Variants in HELZ observed in about 807,000 individuals in gnomAD.
The protein encoded by HELZ is helicase with zinc finger.
HELZ carries 23 observed loss-of-function variants against 218.2 expected under a neutral mutation model. The observed-to-expected ratio is 0.11, with a 90% CI of 0.08 to 0.15. HELZ has a LOEUF of 0.15. Ranked by LOEUF, HELZ falls within the 10% of genes least tolerant of loss-of-function variation. HELZ has a pLI of 1.00. For missense variants in HELZ, 1,813 were observed against 2,353.7 expected (o/e 0.77, Z 4.75); for synonymous variants, 814 against 829.4 (o/e 0.98, Z 0.32).
intron 5 of HELZ, among the ~76,000 whole-genome samples, chr17:67,214,263 T>C (rs956177740): frequency 1.7e-5 from 2 of 119,926 alleles, no homozygotes; most frequent in South Asian, 2.8e-4. Context: ...ATATTTCTTT[T>C]TTTTTTTTTT....
chr17:67,086,601 AAT>A (rs1381357918), intron 32 of HELZ, among the ~76,000 whole-genome samples: 10 of 119,714 alleles, frequency 8.4e-5, no homozygotes, highest in South Asian at 2.5e-4. Context: ...TACATATATT[AAT>A]ATATATATAT....
In HELZ at chr17:67,109,168, C is replaced by G; in HGVS notation, c.4437G>C (p.Leu1479=). ...AGGGGTTCTCATCAATGAAGCTATT[C>G]AGATGTGAAGGAAGAATGGGGCCGG... ...AQPGPILPSH[L]NSFIDENPSG... is the part of the protein sequence containing the mutation. The change falls in exon 29 of 33, where the codon CTG becomes CTC. Residue 1479 remains leucine, a synonymous_variant. Transcript: ENST00000358691. 2 of 1,613,976 alleles carry G rather than the reference C, an allele frequency of 1.2e-6. No homozygotes were observed. The highest frequency in any genetic ancestry group is 1.7e-6 in the Non-Finnish European group (2 of 1,180,024).
At position 67,148,612 on chromosome 17, in the gene HELZ, T is replaced by G; in HGVS notation, c.2578A>C (p.Ile860Leu). 3.7e-6 allele frequency: 6 copies of G among 1,613,788 alleles called. No individual in the cohort carries two copies. Among genetic ancestry groups the G allele is most frequent in the Non-Finnish European group, 5.1e-6 (6 of 1,179,840 alleles). ...EHYPAEFPCR[I>L]LLCENYRSHE... ...GAGCGGTAGTTCTCACACAGGAGAA[T>G]CCTACATGGGAACTCAGCAGGGTAA... The change falls in exon 20 of 33, where the codon ATT becomes CTT. Residue 860 changes from isoleucine to leucine, a missense_variant. Coordinates refer to ENST00000358691, the MANE Select transcript of HELZ (RefSeq NM_014877.4).
Position 67,075,588 on chromosome 17 carries a change from A to C in HELZ, c.*2664T>G, listed in dbSNP as rs2035995770. ...CAGAAGACACGCCTCATTTTGATGG[A>C]AACTTGCAATGATTCTTACACAAGA... is the stretch of plus-strand genomic sequence containing the variant. On this transcript the variant is annotated 3_prime_UTR_variant, in exon 33 of 33. Transcript: ENST00000358691. 1 of 152,244 alleles carries C rather than the reference A, an allele frequency of 6.6e-6. No individual in the cohort carries two copies. Among genetic ancestry groups the C allele is most frequent in the African/African-American group, 2.4e-5 (1 of 41,460 alleles). The allele number at this position is 152,244 out of a possible 1,614,324, so 9.4% of individuals were successfully genotyped here. A position where few individuals can be genotyped will look rare whatever the true frequency, so the allele number is the denominator to read the frequency against.
chr17:67,183,938 A>T (rs747900590), intron 12 of HELZ, among the ~76,000 whole-genome samples: 9 of 152,076 alleles, frequency 5.9e-5, no homozygotes, highest in Non-Finnish European at 1.0e-4. Context: ...TGACTAGAGA[A>T]AAAAAATATT....
At chr17:67,245,616 G>A, upstream of HELZ, 1 of 794,340 alleles carries the variant, frequency 1.3e-6, no homozygotes, top group South Asian at 5.7e-5. Flanking sequence ...GCGCTTCCAG[G>A]AAGCCCGCGA....
chr17:67,104,749 T>G (rs2037045039), intron 31 of HELZ, among the ~76,000 whole-genome samples: 1 of 152,036 alleles, frequency 6.6e-6, no homozygotes, highest in African/African-American at 2.4e-5. Flanking sequence ...AATAGACATT[T>G]CTCCAAAAAA....
rs1227920795 is a variant in HELZ at position 67,123,946 on chromosome 17, G to A, written c.3439+17C>T. The A allele has an allele frequency of 7.5e-6, 12 of 1,590,350 alleles. No homozygotes were observed. Among genetic ancestry groups the A allele is most frequent in the Non-Finnish European group, 1.0e-5 (12 of 1,159,296 alleles). ...CATCATAAAAGCAAGTTTTCATAGG[G>A]TAATTTTTCCACTTACCAATTCCAT... On this transcript the variant is annotated intron_variant, in intron 25 of 32. Transcript: ENST00000358691.
chr17:67,109,020 A>C, intron 29 of HELZ, 96 bp downstream of exon 29: 5 of 1,047,836 alleles, frequency 4.8e-6, no homozygotes, highest in Non-Finnish European at 7.0e-6. Context: ...GCATTATTTG[A>C]AGAAACAATT....
intron 5 of HELZ, among the ~76,000 whole-genome samples, chr17:67,212,436 G>A (rs185127354): frequency 7.1e-4 from 107 of 150,596 alleles, no homozygotes; most frequent in African/African-American, 2.5e-3. Context: ...TTAGCATTAC[G>A]AAACTATAAT....
chr17:67,235,583 C>T (rs889713819), intron 3 of HELZ, among the ~76,000 whole-genome samples: 60 of 152,038 alleles, frequency 3.9e-4, no homozygotes, highest in African/African-American at 1.4e-3. Context: ...TGCTTCAACC[C>T]AGCACATGCC....
intron 13 of HELZ, among the ~76,000 whole-genome samples, chr17:67,168,074 C>A (rs2039202270): frequency 6.6e-6 from 1 of 152,034 alleles, no homozygotes; most frequent in African/African-American, 2.4e-5. Context: ...CCTCTGCCTC[C>A]CAGGTTCAAG....
At chr17:67,168,270 T>C (rs1480293319) in intron 13 of HELZ, among the ~76,000 whole-genome samples, 1 of 152,186 alleles carries the variant, frequency 6.6e-6, no homozygotes, top group Non-Finnish European at 1.5e-5. Flanking sequence ...TGAGCCACCA[T>C]GCCTGGTCAA....
rs2039828484 is a variant in HELZ at position 67,188,956 on chromosome 17, C to A, written c.865-340G>T. Among the ~76,000 whole-genome samples the A allele has an allele frequency of 6.6e-6, 1 of 152,094 alleles. No individual in the cohort carries two copies. Among genetic ancestry groups the A allele is most frequent in the African/African-American group, 2.4e-5 (1 of 41,414 alleles). On this transcript the variant is annotated intron_variant, in intron 11 of 32. Transcript: ENST00000358691. The surrounding 1 kb of genome is among the most constrained non-coding windows in gnomAD (Gnocchi z 4.1). ...CAAGTAGGAAGCCTTCGTAAGAGGG[C>A]AGTTACCTCTGAAAGCACTGGATTG...
chr17:67,236,160 CAACA>C (rs2041180076), intron 3 of HELZ, among the ~76,000 whole-genome samples: 1 of 152,138 alleles, frequency 6.6e-6, no homozygotes, highest in Non-Finnish European at 1.5e-5. Context: ...CAACTGATAT[CAACA>C]AACAGTTCAC....
Position 67,088,983 on chromosome 17 carries a change from CT to C in HELZ, c.5242-1903del, listed in dbSNP as rs910900059. On this transcript the variant is annotated intron_variant, in intron 31 of 32. Coordinates refer to ENST00000358691, the MANE Select transcript of HELZ (RefSeq NM_014877.4). ...GGATCACAATGGCTGCGCAGCGTGTCTTTTTTTTTAAATCAAGGTTTGTAAT... is the reference window on the plus strand; with the variant it reads ...GGATCACAATGGCTGCGCAGCGTGTCTTTTTTTTAAATCAAGGTTTGTAAT... 8.6e-5 allele frequency among the ~76,000 whole-genome samples: 13 copies of C among 151,606 alleles called. No homozygotes were observed. The East Asian group carries it at 1.9e-3, about 23-fold the overall frequency.
At chr17:67,174,024 T>C (rs1034864385) in intron 13 of HELZ, among the ~76,000 whole-genome samples, 1 of 152,226 alleles carries the variant, frequency 6.6e-6, no homozygotes, top group Non-Finnish European at 1.5e-5. Flanking sequence ...AGTAGAATCA[T>C]TATTGAACAC....
chr17:67,171,240 C>G (rs1006561826), intron 13 of HELZ, among the ~76,000 whole-genome samples: 1 of 152,136 alleles, frequency 6.6e-6, no homozygotes, highest in African/African-American at 2.4e-5. Context: ...CACCCTCTCC[C>G]AGATCTCCCA....
chr17:67,222,716 T>A (rs1284355960), intron 3 of HELZ, among the ~76,000 whole-genome samples: 1 of 152,186 alleles, frequency 6.6e-6, no homozygotes, highest in Non-Finnish European at 1.5e-5. Flanking sequence ...AAGTGGTTTA[T>A]CAAGCATAAA....
Sources: allele counts gnomAD v4.1 joint callset (sites outside exome capture counted in the v4.1 genomes callset), GRCh38; gene constraint gnomAD v4.1.1; non-coding constraint Gnocchi (gnomAD v3.1); transcripts MANE v1.5; gene names NCBI Gene and HGNC (gene_info 2026-07-23, HGNC 2026-07-21).